MTUS1: variants seen among roughly 807,000 people sequenced by gnomAD.
MTUS1 encodes microtubule associated scaffold protein 1.
MTUS1 carries 109 observed loss-of-function variants against 120.8 expected under a neutral mutation model. That is an observed-to-expected ratio of 0.90 (90% confidence interval 0.77 to 1.06). The LOEUF is 1.06. Among genes scored for constraint, MTUS1 ranks in the 50% least tolerant of loss-of-function variants. The pLI, the probability that MTUS1 is intolerant of heterozygous loss-of-function variation, is 0.00. For synonymous variants in MTUS1, 737 were observed against 550.5 expected, an observed-to-expected ratio of 1.34 and a Z score of -4.74; for missense variants, 2,210 against 1,486.3, an observed-to-expected ratio of 1.49 and a Z score of -8.01.
At chr8:17,674,332 A>C in intron 8 of MTUS1, 1 of 302,436 alleles carries the variant, frequency 3.3e-6, no homozygotes, top group Non-Finnish European at 4.9e-6. Flanking sequence ...AGGCAGGAGA[A>C]TTGCTTGAAC....
intron 8 of MTUS1, among the ~76,000 whole-genome samples, chr8:17,667,860 A>C (rs1811224159): frequency 6.6e-6 from 1 of 152,188 alleles, no homozygotes; most frequent in African/African-American, 2.4e-5. Flanking sequence ...CTGAGAGCTG[A>C]ACATTGTTTG....
chr8:17,675,418 C>G (rs1295810125), intron 7 of MTUS1, among the ~76,000 whole-genome samples, 166 bp from the exon 8 acceptor site: 2 of 152,162 alleles, frequency 1.3e-5, no homozygotes, highest in Non-Finnish European at 2.9e-5. Context: ...TGTCCCTTAG[C>G]TGTTAAGGAA....
intron 2 of MTUS1, among the ~76,000 whole-genome samples, chr8:17,753,141 C>T (rs751737217): frequency 4.6e-5 from 7 of 152,202 alleles, no homozygotes; most frequent in African/African-American, 1.7e-4. Flanking sequence ...AGGCTTCACA[C>T]ATCCACTAGG....
chr8:17,682,491 C>A (rs1244897330), intron 7 of MTUS1, among the ~76,000 whole-genome samples: 4 of 138,722 alleles, frequency 2.9e-5, no homozygotes, highest in African/African-American at 8.4e-5. Flanking sequence ...GCATACCAGT[C>A]TGAGTGACAG....
At chr8:17,703,405 G>A (rs537239353) in intron 6 of MTUS1, among the ~76,000 whole-genome samples, 60 of 152,130 alleles carry the variant, frequency 3.9e-4, no homozygotes, top group Admixed American at 1.4e-3. Flanking sequence ...AGGCTGTGGC[G>A]GGCAGATCAC....
rs925374740 is a variant in MTUS1 at position 17,755,312 on chromosome 8, C to T, written c.496G>A (p.Asp166Asn). The T allele has an allele frequency of 5.6e-6, 9 of 1,614,030 alleles. No individual in the cohort carries two copies. The highest frequency in any genetic ancestry group is 5.3e-5 in the African/African-American group (4 of 74,918). Residue 166 changes from aspartate (D) to asparagine (N), a missense_variant, in exon 2 of 15, where the codon GAT (aspartate) becomes AAT (asparagine). Coordinates refer to ENST00000693296, the MANE Select transcript of MTUS1 (RefSeq NM_001363059.2). ...ELNQTFDMTVDKVNCTFISHH... is the reference protein window; with the variant it reads ...ELNQTFDMTVNKVNCTFISHH... ...GATATAAAGGTGCAGTTAACTTTAT[C>T]CACTGTCATGTCAAATGTTTGGTTT...
chr8:17,703,798 T>G (rs1054771274), intron 6 of MTUS1, among the ~76,000 whole-genome samples: 1 of 152,160 alleles, frequency 6.6e-6, no homozygotes. Flanking sequence ...AGACAATACG[T>G]GCACTGCTGA....
At position 17,754,550 on chromosome 8, in the gene MTUS1, T is replaced by C. The variant is rs370723597; in HGVS notation, c.1258A>G (p.Ile420Val). ...GLTWDANDMVISTDKTMCMST... is the reference protein window; with the variant it reads ...GLTWDANDMVVSTDKTMCMST... The stretch of plus-strand genomic sequence containing the variant: ...ATGCACATCGTTTTGTCTGTGCTAA[T>C]GACCATATCATTTGCATCCCAAGTC... Residue 420 changes from isoleucine (I) to valine (V), a missense_variant, in exon 2 of 15, where the codon ATT becomes GTT. By Grantham distance (29) the Ile-to-Val change is conservative. Coordinates refer to ENST00000693296, the MANE Select transcript of MTUS1 (RefSeq NM_001363059.2). The C allele has an allele frequency of 6.2e-7, 1 of 1,614,258 alleles. No homozygotes were observed. The highest frequency in any genetic ancestry group is 2.2e-5 in the East Asian group (1 of 44,890).
At chr8:17,775,478 G>A (rs1408340728) in intron 1 of MTUS1, among the ~76,000 whole-genome samples, 1 of 152,106 alleles carries the variant, frequency 6.6e-6, no homozygotes, top group African/African-American at 2.4e-5. Context: ...CATGCATCAC[G>A]CCCTACACAC....
chr8:17,652,272 T>G (rs1807170635), intron 12 of MTUS1, among the ~76,000 whole-genome samples: 1 of 152,174 alleles, frequency 6.6e-6, no homozygotes, highest in African/African-American at 2.4e-5. Context: ...TTTTCAGAAT[T>G]GACATTTATC....
At position 17,753,789 on chromosome 8, in the gene MTUS1, C is replaced by T; in HGVS notation, c.2019G>A (p.Gly673=). 6.2e-7 allele frequency: 1 copy of T among 1,613,476 alleles called. No individual in the cohort carries two copies. ...SPEKKGEKEN[G]TSMEKQELKQ... ...TCAGCTCTTGTTTTTCCATAGATGT[C>T]CCATTTTCTTTTTCACCCTTCTTTT... The change falls in exon 2 of 15, where the codon GGG becomes GGA. Residue 673 remains glycine, a synonymous_variant. Coordinates refer to ENST00000693296, the MANE Select transcript of MTUS1 (RefSeq NM_001363059.2).
chr8:17,723,740 A>T lies in MTUS1; in HGVS notation c.2381T>A (p.Leu794Gln). Residue 794 changes from leucine (L) to glutamine (Q), a missense_variant, in exon 4 of 15, where the codon CTG becomes CAG. Coordinates refer to ENST00000693296, the MANE Select transcript of MTUS1 (RefSeq NM_001363059.2). ...KSKASLKSPA[L>Q]RRTGSTPSIA... is the part of the protein sequence containing the mutation. Reference sequence around the variant, plus strand: ...TGAGGGGGTGCTTCCTGTCCTCCGCAGCGCAGGACTTTTCAAAGATGCTTT... The same window carrying T: ...TGAGGGGGTGCTTCCTGTCCTCCGCTGCGCAGGACTTTTCAAAGATGCTTT... The T allele has an allele frequency of 6.2e-7, 1 of 1,610,386 alleles. No individual in the cohort carries two copies. Among genetic ancestry groups the T allele is most frequent in the Non-Finnish European group, 8.5e-7 (1 of 1,177,366 alleles).
intron 8 of MTUS1, among the ~76,000 whole-genome samples, chr8:17,669,826 C>T (rs1236484660): frequency 6.7e-6 from 1 of 149,824 alleles, no homozygotes; most frequent in Non-Finnish European, 1.5e-5. Flanking sequence ...GCATGGGTGA[C>T]AGGGTAGAAA....
intron 7 of MTUS1, 87 bp downstream of exon 7, chr8:17,684,241 T>C: frequency 2.2e-6 from 2 of 927,004 alleles, no homozygotes; most frequent in East Asian, 2.4e-5. Context: ...TTTACCTAGA[T>C]ATTCCCAAGG....
intron 8 of MTUS1, among the ~76,000 whole-genome samples, chr8:17,659,213 T>C (rs17125018): frequency 0.017 from 2,529 of 152,106 alleles, 59 homozygotes; most frequent in African/African-American, 0.058. Context: ...TACCAAGCTG[T>C]TTCTTGTGCT....
intron 6 of MTUS1, among the ~76,000 whole-genome samples, chr8:17,695,616 A>C (rs1187474611): frequency 5.9e-5 from 9 of 152,244 alleles, no homozygotes; most frequent in African/African-American, 2.2e-4. Flanking sequence ...TCACAACAAC[A>C]CTACAGACAA....
At chr8:17,671,274 T>TAA (rs560135727) in intron 8 of MTUS1, among the ~76,000 whole-genome samples, 5 of 139,844 alleles carry the variant, frequency 3.6e-5, no homozygotes, top group Admixed American at 7.3e-5. Context: ...TACATTGTTC[T>TAA]AAAAAAAAAA....
intron 6 of MTUS1, among the ~76,000 whole-genome samples, chr8:17,712,037 A>T (rs1333047378): frequency 6.6e-6 from 1 of 152,166 alleles, no homozygotes; most frequent in African/African-American, 2.4e-5. Flanking sequence ...CTGATCGCAG[A>T]TCACCGTAAA....
chr8:17,705,405 T>C (rs1819960389), intron 6 of MTUS1, among the ~76,000 whole-genome samples: 1 of 152,236 alleles, frequency 6.6e-6, no homozygotes, highest in Admixed American at 6.5e-5. Context: ...TTACTTTGTG[T>C]GTTTAAAACT....
Sources: gnomAD v4.1 joint callset for allele counts (sites outside exome capture counted in the v4.1 genomes callset) on GRCh38, gnomAD v4.1.1 for gene constraint, MANE v1.5 for transcripts, NCBI Gene and HGNC (gene_info 2026-07-23, HGNC 2026-07-21) for gene names.